The following LUZP2 variants were observed in gnomAD, a reference collection of about 807,000 sequenced individuals.
LUZP2 encodes the protein leucine zipper protein 2.
A neutral mutation model predicts 51.6 loss-of-function variants in LUZP2; 52 were observed. The observed-to-expected ratio is 1.01, with a 90% CI of 0.81 to 1.27. The LOEUF is 1.27. Among genes scored for constraint, LUZP2 ranks in the 50% most tolerant of loss-of-function variants. The pLI is 0.00. For synonymous variants in LUZP2, 154 were observed against 137.3 expected (o/e 1.12, Z -0.85); for missense variants, 436 against 395.4 (o/e 1.10, Z -0.87).
At chr11:24,891,856 A>G (rs1852865760) in intron 5 of LUZP2, 5 of 985,426 alleles carry the variant, frequency 5.1e-6, no homozygotes, top group Non-Finnish European at 6.0e-6. Context: ...TCTGACTTCA[A>G]TTAGCCAACC....
intron 5 of LUZP2, among the ~76,000 whole-genome samples, chr11:24,850,318 G>T (rs941186345): frequency 2.6e-5 from 4 of 152,016 alleles, no homozygotes; most frequent in African/African-American, 9.7e-5. Flanking sequence ...TAAGGAAGGG[G>T]CCCAGTTTCA....
intron 7 of LUZP2, among the ~76,000 whole-genome samples, chr11:24,968,462 T>C (rs909749498): frequency 3.9e-5 from 6 of 152,172 alleles, no homozygotes; most frequent in African/African-American, 1.4e-4. Flanking sequence ...TAAAGACTGC[T>C]GTTTTGATTG....
intron 1 of LUZP2, among the ~76,000 whole-genome samples, chr11:24,532,136 T>C (rs1056928725): frequency 6.6e-5 from 10 of 150,954 alleles, no homozygotes; most frequent in Non-Finnish European, 1.0e-4. Context: ...TTTAAATTTT[T>C]CCACCATTAT....
chr11:24,800,220 C>A (rs903571933), intron 5 of LUZP2, among the ~76,000 whole-genome samples: 1 of 151,922 alleles, frequency 6.6e-6, no homozygotes, highest in Admixed American at 6.6e-5. Context: ...AAGGTGATAA[C>A]GGATAAGCTT....
At position 25,079,873 on chromosome 11, in the gene LUZP2, A is replaced by G. The variant is rs556255460; in HGVS notation, c.*1215A>G. On this transcript the variant is annotated 3_prime_UTR_variant, in exon 12 of 12. Transcript: ENST00000336930. Reference sequence around the variant, plus strand: ...ATGGATCTGTCAAACCACAATATATACATTTGGATCAGTGTATCCTAGGAG... The same window carrying G: ...ATGGATCTGTCAAACCACAATATATGCATTTGGATCAGTGTATCCTAGGAG... 14 of 152,250 alleles carry G rather than the reference A, an allele frequency of 9.2e-5. No individual in the cohort carries two copies. The South Asian group carries it at 2.9e-3, about 32-fold the overall frequency. 9.4% of individuals were successfully genotyped at this position (152,250 alleles called of 1,614,324 possible).
intron 1 of LUZP2, among the ~76,000 whole-genome samples, chr11:24,599,042 G>T (rs1853537666): frequency 6.6e-6 from 1 of 152,064 alleles, no homozygotes; most frequent in Non-Finnish European, 1.5e-5. Context: ...ATAACAGAGG[G>T]CAAAATTTCC....
At chr11:24,513,058 A>G (rs1441485738) in intron 1 of LUZP2, among the ~76,000 whole-genome samples, 2 of 151,356 alleles carry the variant, frequency 1.3e-5, no homozygotes, top group Non-Finnish European at 1.5e-5. Flanking sequence ...GCGCCCAGCA[A>G]ATGATTTTTT....
intron 1 of LUZP2, among the ~76,000 whole-genome samples, chr11:24,693,826 GA>G (rs1352123951): frequency 1.4e-4 from 21 of 152,070 alleles, no homozygotes; most frequent in African/African-American, 5.1e-4. Context: ...GAGGTGTACA[GA>G]TGGAGAAGAT....
chr11:25,017,747 T>G (rs1239989764), intron 9 of LUZP2, among the ~76,000 whole-genome samples: 1 of 152,188 alleles, frequency 6.6e-6, no homozygotes, highest in South Asian at 2.1e-4. Context: ...TGCTTAGTAT[T>G]GCTTTGGCTA....
intron 1 of LUZP2, among the ~76,000 whole-genome samples, chr11:24,642,249 ACAC>A: frequency 6.6e-6 from 1 of 151,958 alleles, no homozygotes; most frequent in East Asian, 1.9e-4. Flanking sequence ...TAGCAGAGTT[ACAC>A]AACAATTAGA....
At chr11:24,633,979 C>A (rs1248000750) in intron 1 of LUZP2, among the ~76,000 whole-genome samples, 1 of 115,710 alleles carries the variant, frequency 8.6e-6, no homozygotes, top group African/African-American at 3.2e-5. Context: ...TATAGTCTGT[C>A]TATTAAAGGA....
chr11:25,044,275 A>G lies in LUZP2; in HGVS notation c.766-5763A>G, dbSNP rs1330329129. Among the ~76,000 whole-genome samples, 401 of 141,570 alleles carry G rather than the reference A, an allele frequency of 2.8e-3. 1 individual carries two copies. Among genetic ancestry groups the G allele is most frequent in the African/African-American group, 9.6e-3 (377 of 39,306 alleles). The allele number at this position is 141,570 out of a possible 152,430, so 92.9% of individuals were successfully genotyped here. ...TGTGTGTGTATATATATATATATAT[A>G]TATATATATATATATAGTCTGATGC... On this transcript the variant is annotated intron_variant, in intron 9 of 11. Coordinates refer to ENST00000336930, the MANE Select transcript of LUZP2 (RefSeq NM_001009909.4).
intron 9 of LUZP2, among the ~76,000 whole-genome samples, chr11:25,016,781 G>T (rs1033766701): frequency 2.6e-5 from 4 of 151,946 alleles, no homozygotes; most frequent in African/African-American, 4.8e-5. Context: ...TTTCCTGTGG[G>T]TAGATACACG....
chr11:25,036,917 G>A (rs1337680162), intron 9 of LUZP2, among the ~76,000 whole-genome samples: 1 of 152,080 alleles, frequency 6.6e-6, no homozygotes, highest in African/African-American at 2.4e-5. Flanking sequence ...TTCACATGAG[G>A]ATGTATATCC....
At chr11:24,729,048 C>T in intron 1 of LUZP2, 121 bp from the exon 2 acceptor site, 2 of 492,922 alleles carry the variant, frequency 4.1e-6, no homozygotes, top group East Asian at 3.1e-5. Context: ...ACAACAAAAC[C>T]ATCTTAGTAA....
chr11:24,570,343 C>G (rs908126651), intron 1 of LUZP2, among the ~76,000 whole-genome samples: 14 of 151,880 alleles, frequency 9.2e-5, no homozygotes, highest in Admixed American at 3.3e-4. Context: ...TTTTGATGAG[C>G]CTGATATTTG....
At chr11:24,940,149 C>CA (rs1251310141) in intron 7 of LUZP2, among the ~76,000 whole-genome samples, 2 of 152,002 alleles carry the variant, frequency 1.3e-5, no homozygotes, top group Non-Finnish European at 2.9e-5. Flanking sequence ...AGAGCCCCCA[C>CA]AAAAAACACA....
At chr11:24,953,905 C>G (rs1479096313) in intron 7 of LUZP2, among the ~76,000 whole-genome samples, 1 of 151,938 alleles carries the variant, frequency 6.6e-6, no homozygotes, top group Non-Finnish European at 1.5e-5. Flanking sequence ...GGATAAATGA[C>G]AACTATAACA....
intron 7 of LUZP2, among the ~76,000 whole-genome samples, chr11:24,971,248 AGT>A (rs1407264523): frequency 2.0e-5 from 3 of 152,108 alleles, no homozygotes; most frequent in Non-Finnish European, 4.4e-5. Context: ...TGATTATTCA[AGT>A]GCATTATATT....
Sources: gnomAD v4.1 joint callset for allele counts (sites outside exome capture counted in the v4.1 genomes callset) on GRCh38, gnomAD v4.1.1 for gene constraint, MANE v1.5 for transcripts, NCBI Gene and HGNC (gene_info 2026-07-23, HGNC 2026-07-21) for gene names.